The following TRAPPC9 variants were observed in gnomAD, a reference collection of about 807,000 sequenced individuals.
TRAPPC9 encodes the protein trafficking protein particle complex subunit 9, also known as IKK2 binding protein.
Under a neutral mutation model 124.0 loss-of-function variants are expected in TRAPPC9, and 83 were observed. That is an observed-to-expected ratio of 0.67 (90% CI 0.56 to 0.80). The LOEUF is 0.80. Among genes scored for constraint, TRAPPC9 ranks in the 30% least tolerant of loss-of-function variants. TRAPPC9 has a pLI of 0.00. For synonymous variants in TRAPPC9, 638 were observed against 617.5 expected, an observed-to-expected ratio of 1.03 and a Z score of -0.49; for missense variants, 1,302 against 1,508.3, an observed-to-expected ratio of 0.86 and a Z score of 2.27.
intron 19 of TRAPPC9, among the ~76,000 whole-genome samples, chr8:139,972,359 G>A (rs574261345): frequency 5.3e-5 from 8 of 152,254 alleles, no homozygotes; most frequent in Non-Finnish European, 1.0e-4. Context: ...TTTGATACTT[G>A]TTTTTACCAA....
chr8:140,346,194 C>T (rs1029992768), intron 9 of TRAPPC9, among the ~76,000 whole-genome samples: 9 of 152,192 alleles, frequency 5.9e-5, no homozygotes, highest in Non-Finnish European at 8.8e-5. Context: ...TGGAGTGCAT[C>T]GGCTGGGGAG....
At chr8:139,795,392 C>G (rs538672566) in intron 21 of TRAPPC9, among the ~76,000 whole-genome samples, 1 of 152,242 alleles carries the variant, frequency 6.6e-6, no homozygotes, top group South Asian at 2.1e-4. Context: ...ACAGAGATCT[C>G]AGAACACTGC....
intron 17 of TRAPPC9, among the ~76,000 whole-genome samples, chr8:140,185,278 C>A (rs953047521): frequency 6.6e-6 from 1 of 152,208 alleles, no homozygotes; most frequent in African/African-American, 2.4e-5. Context: ...GCAGGACACA[C>A]GCACGTGGAG....
intron 9 of TRAPPC9, among the ~76,000 whole-genome samples, chr8:140,351,737 A>G (rs1033786008): frequency 6.6e-5 from 10 of 152,250 alleles, no homozygotes; most frequent in African/African-American, 2.2e-4. Flanking sequence ...GCCTGGAGCC[A>G]ATGCCCCCTG....
chr8:139,756,781 G>C (rs1425838883), intron 21 of TRAPPC9, among the ~76,000 whole-genome samples: 1 of 136,242 alleles, frequency 7.3e-6, no homozygotes, highest in Non-Finnish European at 1.6e-5. Flanking sequence ...AGGAGCCAGG[G>C]TTTGGGGATG....
At chr8:140,283,511 A>G (rs1241670430) in intron 14 of TRAPPC9, among the ~76,000 whole-genome samples, 1 of 150,430 alleles carries the variant, frequency 6.6e-6, no homozygotes, top group Non-Finnish European at 1.5e-5. Flanking sequence ...GTTAGCCAGG[A>G]TGGTCTCAAT....
At chr8:140,412,765 T>A (rs1189040373) in intron 5 of TRAPPC9, among the ~76,000 whole-genome samples, 3 of 152,146 alleles carry the variant, frequency 2.0e-5, no homozygotes, top group African/African-American at 7.2e-5. Flanking sequence ...TTTAAAAAAA[T>A]TAGAATTACA....
In TRAPPC9 at chr8:140,065,292, A is replaced by G. The variant is rs1287427628; in HGVS notation, c.2557-41213T>C. On this transcript the variant is annotated intron_variant, in intron 17 of 22. Transcript: ENST00000438773. ...AGGTTGAAGGAAAGAAGTCATCTCC[A>G]TAACATAAAAGCGCAATGTGAAGTG... is the stretch of plus-strand genomic sequence containing the variant. 7.2e-5 allele frequency among the ~76,000 whole-genome samples: 11 copies of G among 152,258 alleles called. No individual in the cohort carries two copies. The South Asian group carries it at 1.2e-3, about 17-fold the overall frequency.
At chr8:140,023,592 G>A (rs1404298755) in intron 18 of TRAPPC9, among the ~76,000 whole-genome samples, 1 of 152,224 alleles carries the variant, frequency 6.6e-6, no homozygotes, top group Non-Finnish European at 1.5e-5. Flanking sequence ...TATCCACTGA[G>A]CCCCTGCTAA....
intron 10 of TRAPPC9, among the ~76,000 whole-genome samples, chr8:140,308,590 A>G (rs888048331): frequency 6.6e-6 from 1 of 152,294 alleles, no homozygotes; most frequent in East Asian, 1.9e-4. Context: ...AGATTTTTGA[A>G]AACAGCCCAT....
intron 17 of TRAPPC9, among the ~76,000 whole-genome samples, chr8:140,196,988 A>C (rs983008251): frequency 3.3e-5 from 5 of 152,236 alleles, no homozygotes; most frequent in Non-Finnish European, 5.9e-5. Flanking sequence ...TATCTTTTAT[A>C]TCCACAGCGC....
At chr8:140,072,548 AAGAG>A (rs1203677268) in intron 17 of TRAPPC9, among the ~76,000 whole-genome samples, 17 of 127,022 alleles carry the variant, frequency 1.3e-4, no homozygotes, top group South Asian at 7.6e-4. Flanking sequence ...GAGGAGGAGG[AAGAG>A]GAGGAGGAGG....
At chr8:139,937,536 C>A (rs1833610446) in intron 19 of TRAPPC9, among the ~76,000 whole-genome samples, 1 of 152,028 alleles carries the variant, frequency 6.6e-6, no homozygotes, top group South Asian at 2.1e-4. Context: ...GCTGGAGGGC[C>A]GAGGTGGCAG....
At chr8:140,234,790 T>A (rs1367794526) in intron 16 of TRAPPC9, among the ~76,000 whole-genome samples, 1 of 152,220 alleles carries the variant, frequency 6.6e-6, no homozygotes, top group East Asian at 1.9e-4. Flanking sequence ...CACACAATAC[T>A]ACACACACAA....
At chr8:140,303,421 G>A (rs1435312460) in intron 10 of TRAPPC9, among the ~76,000 whole-genome samples, 1 of 152,192 alleles carries the variant, frequency 6.6e-6, no homozygotes, top group Admixed American at 6.5e-5. Flanking sequence ...CTTACTAGGG[G>A]CCTGATAGAC....
At chr8:140,345,982 G>T (rs114417247) in intron 9 of TRAPPC9, among the ~76,000 whole-genome samples, 51 of 152,326 alleles carry the variant, frequency 3.3e-4, no homozygotes, top group African/African-American at 1.2e-3. Context: ...GGGAAGGCTG[G>T]ACACAGCCCT....
chr8:140,397,572 C>T (rs765641660), intron 7 of TRAPPC9, 48 bp downstream of exon 7: 33 of 1,610,436 alleles, frequency 2.0e-5, no homozygotes, highest in Admixed American at 1.5e-4. Context: ...GAATCAATTC[C>T]GTAAGAACTG....
rs115004230 is a variant in TRAPPC9, at chr8:139,803,150, G to A, written c.3056-70948C>T. On this transcript the variant is annotated intron_variant, in intron 21 of 22. Coordinates refer to ENST00000438773, the MANE Select transcript of TRAPPC9 (RefSeq NM_001160372.4). The stretch of plus-strand genomic sequence containing the variant: ...TGTGAAGGTGTGTCTGTGTGCCGTC[G>A]TGTGAGTGTGCTGTGTGCGCGTTGT... Among the ~76,000 whole-genome samples, 208 of 151,920 alleles carry A rather than the reference G, an allele frequency of 1.4e-3. 1 individual carries two copies. The highest frequency in any genetic ancestry group is 4.8e-3 in the African/African-American group (199 of 41,410).
At chr8:139,932,270 G>A (rs765564822) in intron 19 of TRAPPC9, 18 of 455,160 alleles carry the variant, frequency 4.0e-5, no homozygotes, top group African/African-American at 2.2e-4. Flanking sequence ...ACGGGGCCTC[G>A]CTCAGGGTAG....
Sources: allele counts gnomAD v4.1 joint callset (sites outside exome capture counted in the v4.1 genomes callset), GRCh38; gene constraint gnomAD v4.1.1; transcripts MANE v1.5; gene names NCBI Gene and HGNC (gene_info 2026-07-23, HGNC 2026-07-21).